Variants in PXN observed in about 807,000 individuals in gnomAD.
PXN encodes the protein paxillin, also known as testicular tissue protein Li 134.
A neutral mutation model predicts 103.6 loss-of-function variants in PXN; 61 were observed. That is an observed-to-expected ratio of 0.59 (90% CI 0.48 to 0.73). The LOEUF is 0.73. Among genes scored for constraint, PXN ranks in the 30% least tolerant of loss-of-function variants. The probability of loss-of-function intolerance (pLI) is 0.00; values close to 1 mark genes in which losing one functional copy is unlikely to be tolerated. For synonymous variants in PXN, 562 were observed against 607.8 expected (o/e 0.92, Z 1.11); for missense variants, 1,274 against 1,460.3 (o/e 0.87, Z 2.08).
chr12:120,232,684 C>T (rs1048155902), intron 1 of PXN, among the ~76,000 whole-genome samples: 3 of 152,136 alleles, frequency 2.0e-5, no homozygotes, highest in African/African-American at 7.2e-5. Flanking sequence ...CTCCTTGGGC[C>T]TCTCACCCCT....
chr12:120,222,766 GA>G lies in PXN; in HGVS notation c.494-17del. The G allele has an allele frequency of 6.2e-7, 1 of 1,600,240 alleles. No individual in the cohort carries two copies. The highest frequency in any genetic ancestry group is 8.5e-7 in the Non-Finnish European group (1 of 1,173,126). ...TTGGCCTCATCTTGCAGAGAGGAGA[GA>G]AAAAGGCTGCTCAGCCCTTGAGCCC... On this transcript the variant is annotated splice_polypyrimidine_tract_variant and intron_variant, in intron 4 of 14. Transcript: ENST00000637617. This position sits in a 1 kb window ranked among gnomAD's most constrained non-coding sequence, Gnocchi z 4.7.
In PXN at chr12:120,226,337, G is replaced by C. The variant is rs954869484; in HGVS notation, c.14-1960C>G. 6.2e-6 allele frequency: 8 copies of C among 1,289,114 alleles called. No individual in the cohort carries two copies. The African/African-American group carries it at 1.2e-4, about 20-fold the overall frequency. 79.9% of individuals were successfully genotyped at this position (1,289,114 alleles called of 1,614,324 possible). A position where few individuals can be genotyped will look rare whatever the true frequency, so the allele number is the denominator to read the frequency against. On this transcript the variant is annotated intron_variant, in intron 1 of 14. Transcript: ENST00000637617. Reference sequence around the variant, plus strand: ...AGCTGCCATCCTTGAAGGCCCACTGGGGCCAGGAGCTTCACCTTTGTTACC... The same window carrying C: ...AGCTGCCATCCTTGAAGGCCCACTGCGGCCAGGAGCTTCACCTTTGTTACC...
At chr12:120,223,321 C>T (rs554886972) in intron 3 of PXN, among the ~76,000 whole-genome samples, 2 of 152,032 alleles carry the variant, frequency 1.3e-5, no homozygotes, top group East Asian at 3.9e-4. Flanking sequence ...GTAGTCCCAG[C>T]TACTTGGGAG....
intron 1 of PXN, among the ~76,000 whole-genome samples, chr12:120,257,404 T>C (rs1893185742): frequency 6.6e-6 from 1 of 152,192 alleles, no homozygotes; most frequent in Non-Finnish European, 1.5e-5. Flanking sequence ...CTCTGAGCCC[T>C]CGCTAGAAGA....
Position 120,216,188 on chromosome 12 carries a change from G to A in PXN, c.2301+85C>T, listed in dbSNP as rs1882923300. 1.6e-6 allele frequency: 2 copies of A among 1,268,234 alleles called. No individual in the cohort carries two copies. The highest frequency in any genetic ancestry group is 2.0e-6 in the Non-Finnish European group (2 of 1,010,176). The allele number at this position is 1,268,234 out of a possible 1,614,324, so 78.6% of individuals were successfully genotyped here. On this transcript the variant is annotated intron_variant, in intron 9 of 14. Coordinates refer to ENST00000637617, the MANE Select transcript of PXN (RefSeq NM_001385981.1). This position sits in a 1 kb window ranked among gnomAD's most constrained non-coding sequence, Gnocchi z 5.1. Reference sequence around the variant, plus strand: ...GGATGGAGGGTATCTGTGTATGTGTGTGTGCACGTGTGTGTGTGCAGAGTG... The same window carrying A: ...GGATGGAGGGTATCTGTGTATGTGTATGTGCACGTGTGTGTGTGCAGAGTG...
At chr12:120,242,882 A>T (rs918774040) in intron 1 of PXN, among the ~76,000 whole-genome samples, 7 of 111,576 alleles carry the variant, frequency 6.3e-5, no homozygotes, top group African/African-American at 1.3e-4. Context: ...CTCGGGCTTT[A>T]AAAAAAAAAA....
At chr12:120,233,554 C>A (rs1388254186) in intron 1 of PXN, among the ~76,000 whole-genome samples, 2 of 152,218 alleles carry the variant, frequency 1.3e-5, no homozygotes, top group African/African-American at 4.8e-5. Flanking sequence ...GATCCACCCA[C>A]CTCGGCATTC....
Position 120,222,978 on chromosome 12 carries a change from T to C in PXN, c.378A>G (p.Ser126=), listed in dbSNP as rs754458041. The change falls in exon 4 of 15, where the codon TCA becomes TCG. Residue 126 remains serine (S), a synonymous_variant. Coordinates refer to ENST00000637617, the MANE Select transcript of PXN (RefSeq NM_001385981.1). The surrounding 1 kb of genome is among the most constrained non-coding windows in gnomAD (Gnocchi z 4.7). The part of the protein sequence containing the change: ...HVYSFPNKQK[S]AEPSPTVMST... The stretch of plus-strand genomic sequence containing the variant: ...TCATTACGGTGGGTGAAGGCTCAGC[T>C]GATTTCTGCTTGTTGGGGAAGCTTT... 6.2e-7 allele frequency: 1 copy of C among 1,613,918 alleles called. No homozygotes were observed. The highest frequency in any genetic ancestry group is 1.1e-5 in the South Asian group (1 of 91,074).
rs1335706570 is a variant in PXN at position 120,212,492 on chromosome 12, G to C, written c.3068C>G (p.Ser1023Trp). 2 of 1,613,926 alleles carry C rather than the reference G, an allele frequency of 1.2e-6. No homozygotes were observed. The highest frequency in any genetic ancestry group is 1.7e-6 in the Non-Finnish European group (2 of 1,179,894). ...GGGCTTCTGGCAGCCAGAACACAGC[G>C]AGCCGCGCCGCTCGTGGTAGTGCAC... ...CEVHYHERRGSLCSGCQKPIT... is the reference protein window; with the variant it reads ...CEVHYHERRGWLCSGCQKPIT... The change falls in exon 15 of 15, where the codon TCG becomes TGG. Residue 1023 changes from serine (S) to tryptophan (W), a missense_variant. Ser to Trp is a radical substitution (Grantham distance 177). Transcript: ENST00000637617. This position sits in a 1 kb window ranked among gnomAD's most constrained non-coding sequence, Gnocchi z 7.2.
chr12:120,223,626 C>T (rs1566389420), intron 3 of PXN, 92 bp downstream of exon 3: 4 of 983,562 alleles, frequency 4.1e-6, no homozygotes, highest in Non-Finnish European at 6.0e-6. Flanking sequence ...GTTGCTATGC[C>T]TGCTCCCGGG....
rs1276189116 is a variant in PXN, at chr12:120,215,089, C to T, written c.2574+14G>A. On this transcript the variant is annotated intron_variant, in intron 11 of 14. Transcript: ENST00000637617. This position sits in a 1 kb window ranked among gnomAD's most constrained non-coding sequence, Gnocchi z 4.9. ...AGTCCACTGGCCACACCCCTGCCCA[C>T]TCCCCCTCATCACCTGCCCGGCGAT... The T allele has an allele frequency of 6.3e-7, 1 of 1,587,398 alleles. No individual in the cohort carries two copies. The highest frequency in any genetic ancestry group is 1.7e-4 in the Middle Eastern group (1 of 5,924).
intron 1 of PXN, among the ~76,000 whole-genome samples, chr12:120,243,153 C>G (rs952780799): frequency 1.3e-5 from 2 of 152,318 alleles, no homozygotes; most frequent in Admixed American, 1.3e-4. Context: ...TATTCCCTCT[C>G]CCTAGACCTC....
rs1464759967 is a variant in PXN at position 120,217,667 on chromosome 12, C to T, written c.1717-551G>A. On this transcript the variant is annotated intron_variant, in intron 7 of 14. Transcript: ENST00000637617. This position sits in a 1 kb window ranked among gnomAD's most constrained non-coding sequence, Gnocchi z 4.1. ...CGATCTGGTCTCACTGCAACCTCCG[C>T]CTCCTGGGTTCAAGAGATTCTCCTG... 1.3e-5 allele frequency among the ~76,000 whole-genome samples: 2 copies of T among 152,068 alleles called. No individual in the cohort carries two copies. Among genetic ancestry groups the T allele is most frequent in the Admixed American group, 1.3e-4 (2 of 15,282 alleles).
In PXN at chr12:120,216,852, G is replaced by A; in HGVS notation, c.1981C>T (p.Leu661Phe). ...CATCTCCTCGCCACCTTCTCTACGAGCTGCCCCCCGGCCCGCTTCCCACGT... is the reference window on the plus strand; with the variant it reads ...CATCTCCTCGCCACCTTCTCTACGAACTGCCCCCCGGCCCGCTTCCCACGT... ...QPRGKRAGGQLVEKVVFPPGS... is the reference protein window; with the variant it reads ...QPRGKRAGGQFVEKVVFPPGS... The change falls in exon 8 of 15, where the codon CTC becomes TTC. Residue 661 changes from leucine to phenylalanine, a missense_variant. Physicochemically the swap from Leu to Phe is conservative, Grantham distance 22. Transcript: ENST00000637617. The surrounding 1 kb of genome is among the most constrained non-coding windows in gnomAD (Gnocchi z 5.1). The A allele has an allele frequency of 6.6e-7, 1 of 1,516,820 alleles. No homozygotes were observed. Among genetic ancestry groups the A allele is most frequent in the Non-Finnish European group, 8.7e-7 (1 of 1,143,066 alleles). The allele number at this position is 1,516,820 out of a possible 1,614,324, so 94.0% of individuals were successfully genotyped here. A position where few individuals can be genotyped will look rare whatever the true frequency, so the allele number is the denominator to read the frequency against.
chr12:120,256,324 T>C (rs1181725006), intron 1 of PXN, among the ~76,000 whole-genome samples: 2 of 151,754 alleles, frequency 1.3e-5, no homozygotes, highest in African/African-American at 2.4e-5. Flanking sequence ...GGCAGGAGGA[T>C]CGCTTGAGTT....
intron 1 of PXN, chr12:120,226,978 A>G: frequency 5.1e-6 from 5 of 988,236 alleles, no homozygotes; most frequent in Non-Finnish European, 4.8e-6. Flanking sequence ...TACAAACATC[A>G]GATCTGATTT....
chr12:120,217,197 A>G lies in PXN; in HGVS notation c.1717-81T>C, dbSNP rs1883421926. 8.5e-7 allele frequency: 1 copy of G among 1,169,888 alleles called. No individual in the cohort carries two copies. The highest frequency in any genetic ancestry group is 1.2e-6 in the Non-Finnish European group (1 of 826,356). The allele number at this position is 1,169,888 out of a possible 1,614,324, so 72.5% of individuals were successfully genotyped here. A position where few individuals can be genotyped will look rare whatever the true frequency, so the allele number is the denominator to read the frequency against. On this transcript the variant is annotated intron_variant, in intron 7 of 14. Transcript: ENST00000637617. The surrounding 1 kb of genome is among the most constrained non-coding windows in gnomAD (Gnocchi z 4.1). ...TGCTCAGGCCACACTCAGATGCCTC[A>G]GGAGAGGGAGCACAAAAGAAAACCA...
chr12:120,265,689 C>A lies in PXN; in HGVS notation c.-60G>T. 7.4e-7 allele frequency: 1 copy of A among 1,358,576 alleles called. No homozygotes were observed. Among genetic ancestry groups the A allele is most frequent in the Non-Finnish European group, 9.5e-7 (1 of 1,051,614 alleles). The allele number at this position is 1,358,576 out of a possible 1,614,324, so 84.2% of individuals were successfully genotyped here. A position where few individuals can be genotyped will look rare whatever the true frequency, so the allele number is the denominator to read the frequency against. On this transcript the variant is annotated 5_prime_UTR_variant, in exon 1 of 15. Coordinates refer to ENST00000637617, the MANE Select transcript of PXN (RefSeq NM_001385981.1). This position sits in a 1 kb window ranked among gnomAD's most constrained non-coding sequence, Gnocchi z 5.7. ...AGCTGCCCGTCCCGGGGCCGCTCGT[C>A]TATGCCCCGCAACTTTTCCGCCGCG...
At chr12:120,243,414 G>A (rs1394845123) in intron 1 of PXN, among the ~76,000 whole-genome samples, 7 of 152,194 alleles carry the variant, frequency 4.6e-5, no homozygotes, top group Non-Finnish European at 8.8e-5. Context: ...AAAAGGCCGG[G>A]CATGGTGGCT....
Sources: gnomAD v4.1 joint callset for allele counts (sites outside exome capture counted in the v4.1 genomes callset) on GRCh38, gnomAD v4.1.1 for gene constraint, Gnocchi (gnomAD v3.1) non-coding constraint, MANE v1.5 for transcripts, NCBI Gene and HGNC (gene_info 2026-07-23, HGNC 2026-07-21) for gene names.